Variants in EYA1 observed in about 807,000 individuals in gnomAD.
The protein encoded by EYA1 is protein phosphatase EYA1.
In EYA1, 16 loss-of-function variants were observed where a neutral mutation model predicts 82.0. The observed-to-expected ratio is 0.20, with a 90% CI of 0.13 to 0.30. The LOEUF (loss-of-function observed/expected upper bound fraction) is 0.30, where lower values mean the gene tolerates loss of function less well. Among genes scored for constraint, EYA1 ranks in the 10% least tolerant of loss-of-function variants. The probability of loss-of-function intolerance (pLI) is 1.00; values close to 1 mark genes in which losing one functional copy is unlikely to be tolerated. For missense variants in EYA1, 633 were observed against 730.7 expected (o/e 0.87, Z 1.54); for synonymous variants, 261 against 264.4 (o/e 0.99, Z 0.12).
intron 2 of EYA1, among the ~76,000 whole-genome samples, chr8:71,442,149 C>A (rs1806477351): frequency 6.6e-6 from 1 of 152,138 alleles, no homozygotes; most frequent in Admixed American, 6.5e-5. Flanking sequence ...TGAATGAGGA[C>A]AAAGTTAGAT....
intron 2 of EYA1, among the ~76,000 whole-genome samples, chr8:71,453,016 C>A (rs1457115007): frequency 6.6e-6 from 1 of 152,108 alleles, no homozygotes; most frequent in African/African-American, 2.4e-5. Context: ...AGCTAAAAAA[C>A]CTTGAAAAAA....
chr8:71,241,119 T>C (rs1177167210), intron 12 of EYA1, among the ~76,000 whole-genome samples: 1 of 152,170 alleles, frequency 6.6e-6, no homozygotes, highest in Non-Finnish European at 1.5e-5. Context: ...GGGGGGAAAA[T>C]ATTATTTCCT....
chr8:71,254,504 A>G (rs1405842809), intron 11 of EYA1, among the ~76,000 whole-genome samples: 1 of 152,188 alleles, frequency 6.6e-6, no homozygotes, highest in African/African-American at 2.4e-5. Flanking sequence ...GACATATAAT[A>G]AACTGTAAAG....
rs757666471 is a variant in EYA1, at chr8:71,299,138, G to T, written c.735C>A (p.Thr245=). The T allele has an allele frequency of 1.4e-5, 23 of 1,614,024 alleles. No individual in the cohort carries two copies. The East Asian group carries it at 4.9e-4, about 34-fold the overall frequency. ...CATTGGTGGATGGTGTCGTTGGGCT[G>T]GTGTTGCTGCTGGTCATATAATGTG... The part of the protein sequence containing the change: ...YPAHYMTSSN[T]SPTTPSTNAT... Residue 245 remains threonine, a synonymous_variant, in exon 9 of 18, where the codon ACC becomes ACA. Transcript: ENST00000340726.
chr8:71,314,376 T>A (rs554596974), intron 7 of EYA1, among the ~76,000 whole-genome samples: 1 of 152,282 alleles, frequency 6.6e-6, no homozygotes, highest in African/African-American at 2.4e-5. Context: ...TGTAGCAAAT[T>A]ATATAGCATT....
chr8:71,259,326 A>T (rs549052106), intron 11 of EYA1, among the ~76,000 whole-genome samples: 19 of 152,162 alleles, frequency 1.2e-4, no homozygotes, highest in African/African-American at 4.6e-4. Flanking sequence ...ACCAAGAGTC[A>T]CCTGTGGACA....
chr8:71,369,657 G>C (rs1827973742), intron 2 of EYA1, among the ~76,000 whole-genome samples: 1 of 152,180 alleles, frequency 6.6e-6, no homozygotes, highest in Non-Finnish European at 1.5e-5. Context: ...TGCTCAAACA[G>C]GGCATAGTTT....
intron 2 of EYA1, 27 bp from the exon 3 acceptor site, chr8:71,354,936 C>CAGATGTACCAAATTCATAACACCACCATT (rs1164418764): frequency 6.2e-7 from 1 of 1,610,198 alleles, no homozygotes; most frequent in Non-Finnish European, 8.5e-7. Context: ...TTCCATTTGA[C>CAGATGTACCAAATTCATAACACCACCATT]AGATGTACCA....
chr8:71,333,690 G>C (rs945708394), intron 4 of EYA1, among the ~76,000 whole-genome samples: 4 of 152,172 alleles, frequency 2.6e-5, no homozygotes, highest in African/African-American at 9.7e-5. Flanking sequence ...TGATATGACA[G>C]TTACTTAGCA....
intron 2 of EYA1, among the ~76,000 whole-genome samples, chr8:71,519,418 CT>C (rs1184919906): frequency 2.0e-5 from 3 of 152,064 alleles, no homozygotes; most frequent in South Asian, 2.1e-4. Context: ...TTCATGTTCT[CT>C]TTTTTAAAAT....
At chr8:71,279,984 C>T (rs1817635863) in intron 9 of EYA1, among the ~76,000 whole-genome samples, 1 of 152,198 alleles carries the variant, frequency 6.6e-6, no homozygotes, top group Non-Finnish European at 1.5e-5. Context: ...GCTGTCATAG[C>T]AGCACACAGA....
intron 2 of EYA1, among the ~76,000 whole-genome samples, chr8:71,458,498 T>C (rs1346671665): frequency 1.3e-5 from 2 of 152,058 alleles, no homozygotes; most frequent in Non-Finnish European, 2.9e-5. Context: ...CATATTCTAT[T>C]AACCACCAAG....
chr8:71,422,209 G>A (rs28624762), intron 2 of EYA1, among the ~76,000 whole-genome samples: 25,448 of 152,102 alleles, frequency 0.17, 2,433 homozygotes, highest in African/African-American at 0.26. Flanking sequence ...ATTTTGTCTT[G>A]TTTTGTTATA....
chr8:71,434,153 A>C (rs1160676624), intron 2 of EYA1, among the ~76,000 whole-genome samples: 1 of 152,214 alleles, frequency 6.6e-6, no homozygotes. Context: ...TTATTACTAA[A>C]GGTATATTTA....
At chr8:71,508,166 T>C (rs1216352306) in intron 2 of EYA1, among the ~76,000 whole-genome samples, 1 of 152,178 alleles carries the variant, frequency 6.6e-6, no homozygotes, top group Non-Finnish European at 1.5e-5. Flanking sequence ...AGTTTCCATT[T>C]CTCCGCATTA....
intron 3 of EYA1, among the ~76,000 whole-genome samples, chr8:71,346,417 T>A (rs933372384): frequency 3.8e-4 from 53 of 137,792 alleles, no homozygotes; most frequent in Non-Finnish European, 7.5e-4. Context: ...CACTTTTATT[T>A]TTTTACTGCA....
intron 2 of EYA1, among the ~76,000 whole-genome samples, chr8:71,384,051 G>T (rs1405429004): frequency 2.0e-5 from 3 of 151,614 alleles, no homozygotes; most frequent in African/African-American, 7.3e-5. Context: ...ATCTCAGAGA[G>T]AGCAACTACA....
intron 2 of EYA1, among the ~76,000 whole-genome samples, chr8:71,432,065 G>A (rs1805660985): frequency 6.6e-6 from 1 of 152,090 alleles, no homozygotes; most frequent in African/African-American, 2.4e-5. Flanking sequence ...GCTATCACTG[G>A]AATGTCTCTT....
chr8:71,454,147 A>T (rs898359136), intron 2 of EYA1, among the ~76,000 whole-genome samples: 1 of 152,204 alleles, frequency 6.6e-6, no homozygotes, highest in Non-Finnish European at 1.5e-5. Flanking sequence ...CAGACTTTAA[A>T]CCAACAAAGA....
Sources: allele counts gnomAD v4.1 joint callset (sites outside exome capture counted in the v4.1 genomes callset), GRCh38; gene constraint gnomAD v4.1.1; transcripts MANE v1.5; gene names NCBI Gene and HGNC (gene_info 2026-07-23, HGNC 2026-07-21).